RABEP1: variants seen among roughly 807,000 people sequenced by gnomAD.
RABEP1 encodes the protein rabaptin, RAB GTPase binding effector protein 1.
A neutral mutation model predicts 123.4 loss-of-function variants in RABEP1; 51 were observed. That is an observed-to-expected ratio of 0.41 (90% CI 0.33 to 0.52). The LOEUF (loss-of-function observed/expected upper bound fraction) is 0.52. Among genes scored for constraint, RABEP1 ranks in the 20% least tolerant of loss-of-function variants. The pLI is 0.16. For missense variants in RABEP1, 888 were observed against 996.3 expected (o/e 0.89, Z 1.46); for synonymous variants, 347 against 355.2 (o/e 0.98, Z 0.26).
Position 5,308,694 on chromosome 17 carries a change from T to C in RABEP1, c.35T>C (p.Val12Ala). The C allele has an allele frequency of 6.2e-7, 1 of 1,606,234 alleles. No homozygotes were observed. Among genetic ancestry groups the C allele is most frequent in the Non-Finnish European group, 8.5e-7 (1 of 1,177,684 alleles). ...GTTAACTAGTGTTTTTTTCCCCCAG[T>C]TTCTCTTCAGCAACGGGTAGCAGAA... ...AQPGPASQPD[V>A]SLQQRVAELE... The change falls in exon 2 of 18, where the codon GTT becomes GCT. Residue 12 changes from valine (V) to alanine (A), a missense_variant and splice_region_variant. Transcript: ENST00000537505.
At position 5,385,383 on chromosome 17, in the gene RABEP1, T is replaced by C. The variant is rs1010300215; in HGVS notation, c.*2160T>C. 10 of 230,484 alleles carry C rather than the reference T, an allele frequency of 4.3e-5. No homozygotes were observed. The highest frequency in any genetic ancestry group is 1.3e-3 in the Middle Eastern group (1 of 790). The allele number at this position is 230,484 out of a possible 1,614,324, so 14.3% of individuals were successfully genotyped here. On this transcript the variant is annotated 3_prime_UTR_variant, in exon 18 of 18. Coordinates refer to ENST00000537505, the MANE Select transcript of RABEP1 (RefSeq NM_004703.6). ...GTCTGTGCCTACATGTTCTCATGCA[T>C]GTCTAACCTGATTTACCTCTTACCT... is the stretch of plus-strand genomic sequence containing the variant.
chr17:5,354,465 C>A lies in RABEP1; in HGVS notation c.1070C>A (p.Ser357Tyr). 3.1e-6 allele frequency: 5 copies of A among 1,611,968 alleles called. No individual in the cohort carries two copies. Among genetic ancestry groups the A allele is most frequent in the Non-Finnish European group, 4.2e-6 (5 of 1,179,224 alleles). ...PVVCALTQEE[S>Y]SAQLSNEEEH... ...GTGTGTGCTTTAACTCAAGAAGAAT[C>A]TTCAGCCCAGTTATCAAATGAAGAG... The change falls in exon 8 of 18, where the codon TCT becomes TAT. Residue 357 changes from serine to tyrosine, a missense_variant. Coordinates refer to ENST00000537505, the MANE Select transcript of RABEP1 (RefSeq NM_004703.6).
intron 12 of RABEP1, among the ~76,000 whole-genome samples, chr17:5,370,126 A>G (rs1910410205): frequency 6.6e-6 from 1 of 152,240 alleles, no homozygotes; most frequent in African/African-American, 2.4e-5. Context: ...GAACTCCAGT[A>G]CATGACCATT....
chr17:5,284,771 GGATTTAATTTGTGT>G (rs2074961535), intron 1 of RABEP1, among the ~76,000 whole-genome samples: 1 of 151,770 alleles, frequency 6.6e-6, no homozygotes, highest in Non-Finnish European at 1.5e-5. Context: ...CGGCTTTTGG[GGATTTAATTTGTGT>G]CTTTAGCTGA....
At chr17:5,369,671 C>T (rs866569768) in intron 12 of RABEP1, among the ~76,000 whole-genome samples, 2 of 151,998 alleles carry the variant, frequency 1.3e-5, no homozygotes, top group Admixed American at 6.6e-5. Context: ...TACACTCCTT[C>T]GACCCCTTGC....
chr17:5,328,462 T>A (rs544784641), intron 2 of RABEP1, among the ~76,000 whole-genome samples: 1 of 149,410 alleles, frequency 6.7e-6, no homozygotes, highest in South Asian at 2.1e-4. Context: ...CTGGGCAGCA[T>A]GACAAAACTC....
chr17:5,361,907 C>T (rs954216884), intron 9 of RABEP1: 30 of 479,702 alleles, frequency 6.3e-5, no homozygotes, highest in Middle Eastern at 5.5e-4. Context: ...TGTGAACCTC[C>T]CCACCTGAAC....
rs1311927075 is a variant in RABEP1 at position 5,335,268 on chromosome 17, A to G, written c.452A>G (p.Glu151Gly). ...TGGGCACAGTATAGAGAATCCGCAGAGAGGGAAATAGCTGATTTAAGAAGA... is the reference window on the plus strand; with the variant it reads ...TGGGCACAGTATAGAGAATCCGCAGGGAGGGAAATAGCTGATTTAAGAAGA... ...TQWAQYRESA[E>G]REIADLRRRL... Residue 151 changes from glutamate to glycine, a missense_variant, in exon 4 of 18, where the codon GAG (glutamate) becomes GGG (glycine). By Grantham distance (98) the Glu-to-Gly change is moderately conservative. Coordinates refer to ENST00000537505, the MANE Select transcript of RABEP1 (RefSeq NM_004703.6). 1 of 1,614,046 alleles carries G rather than the reference A, an allele frequency of 6.2e-7. No homozygotes were observed. Among genetic ancestry groups the G allele is most frequent in the Non-Finnish European group, 8.5e-7 (1 of 1,179,916 alleles).
At chr17:5,285,386 G>T (rs2074968402) in intron 1 of RABEP1, among the ~76,000 whole-genome samples, 1 of 148,886 alleles carries the variant, frequency 6.7e-6, no homozygotes. Context: ...CTCCCATCTT[G>T]GCCTCTCAGT....
intron 2 of RABEP1, among the ~76,000 whole-genome samples, chr17:5,313,440 CTTTT>C (rs1390809736): frequency 3.9e-5 from 6 of 152,228 alleles, no homozygotes; most frequent in Non-Finnish European, 7.4e-5. Context: ...GTTTTGCTTT[CTTTT>C]TCTCTGTCCC....
chr17:5,295,210 C>T (rs540258759), intron 1 of RABEP1, among the ~76,000 whole-genome samples: 10 of 151,348 alleles, frequency 6.6e-5, no homozygotes, highest in East Asian at 2.0e-4. Flanking sequence ...GGTGAAACCC[C>T]GTCTCTACTA....
At chr17:5,334,923 GA>G (rs1403402880) in intron 3 of RABEP1, among the ~76,000 whole-genome samples, 1 of 152,128 alleles carries the variant, frequency 6.6e-6, no homozygotes, top group East Asian at 1.9e-4. Context: ...ACATTGGCCA[GA>G]CTATTTAATC....
At chr17:5,303,987 T>C (rs1257204996) in intron 1 of RABEP1, among the ~76,000 whole-genome samples, 1 of 151,268 alleles carries the variant, frequency 6.6e-6, no homozygotes, top group African/African-American at 2.4e-5. Context: ...TGAGCCGAGA[T>C]TGCACCATTG....
intron 3 of RABEP1, among the ~76,000 whole-genome samples, chr17:5,333,233 G>T (rs1906734635): frequency 6.6e-6 from 1 of 152,024 alleles, no homozygotes; most frequent in Non-Finnish European, 1.5e-5. Context: ...CACCATCTCG[G>T]TTCAGTGCAA....
At chr17:5,345,675 C>G (rs1051695883) in intron 5 of RABEP1, among the ~76,000 whole-genome samples, 37 of 152,176 alleles carry the variant, frequency 2.4e-4, no homozygotes, top group African/African-American at 8.7e-4. Flanking sequence ...ATATCATGTG[C>G]TGGACTGTCA....
Position 5,385,156 on chromosome 17 carries a change from A to G in RABEP1, c.*1933A>G, listed in dbSNP as rs1258412822. 2 of 229,538 alleles carry G rather than the reference A, an allele frequency of 8.7e-6. No homozygotes were observed. The highest frequency in any genetic ancestry group is 1.7e-5 in the Non-Finnish European group (2 of 115,864). 14.2% of individuals were successfully genotyped at this position (229,538 alleles called of 1,614,324 possible). ...TTGGAATTCACTTTATTGTAGAAAAACCCAAACTGAGACTCTTAAGTTTTG... is the reference window on the plus strand; with the variant it reads ...TTGGAATTCACTTTATTGTAGAAAAGCCCAAACTGAGACTCTTAAGTTTTG... On this transcript the variant is annotated 3_prime_UTR_variant, in exon 18 of 18. Transcript: ENST00000537505.
chr17:5,354,312 T>C (rs1908823649), intron 7 of RABEP1, 47 bp from the exon 8 acceptor site: 3 of 1,525,816 alleles, frequency 2.0e-6, no homozygotes, highest in Non-Finnish European at 2.7e-6. Context: ...GTGTCACTTA[T>C]TAAGTAGGTT....
rs1908426273 is a variant in RABEP1 at position 5,350,359 on chromosome 17, G to A, written c.785-92G>A. 16 of 1,374,994 alleles carry A rather than the reference G, an allele frequency of 1.2e-5. No homozygotes were observed. The East Asian group carries it at 1.2e-4, about 10-fold the overall frequency. The allele number at this position is 1,374,994 out of a possible 1,614,324, so 85.2% of individuals were successfully genotyped here. A position where few individuals can be genotyped will look rare whatever the true frequency, so the allele number is the denominator to read the frequency against. On this transcript the variant is annotated intron_variant, in intron 6 of 17. Transcript: ENST00000537505. ...TGCACCACTGCACTCCAGCCTGGGC[G>A]ACAGAGCGAGACTCCATCTCAAAAA...
chr17:5,302,243 C>CTTTTTTTTTTTTT (rs1567869348), intron 1 of RABEP1, among the ~76,000 whole-genome samples: 13 of 21,560 alleles, frequency 6.0e-4, no homozygotes, highest in East Asian at 3.4e-3. Flanking sequence ...TTACTGAAAA[C>CTTTTTTTTTTTTT]ATTTTTTTTT....
Sources: allele counts gnomAD v4.1 joint callset (sites outside exome capture counted in the v4.1 genomes callset), GRCh38; gene constraint gnomAD v4.1.1; transcripts MANE v1.5; gene names NCBI Gene and HGNC (gene_info 2026-07-23, HGNC 2026-07-21).